The following RHOBTB3 variants were observed in gnomAD, a reference collection of about 807,000 sequenced individuals.
RHOBTB3 encodes the protein rho-related BTB domain-containing protein 3.
In RHOBTB3, 47 loss-of-function variants were observed where a neutral mutation model predicts 67.2. The observed-to-expected ratio is 0.70, with a 90% confidence interval of 0.55 to 0.89. The LOEUF is 0.89. RHOBTB3 is among the 40% of genes least tolerant of loss of function. The pLI, the probability that RHOBTB3 is intolerant of heterozygous loss-of-function variation, is 0.00. For missense variants in RHOBTB3, 631 were observed against 750.0 expected (o/e 0.84, Z 1.85); for synonymous variants, 273 against 274.2 (o/e 1.00, Z 0.04).
chr5:95,761,152 A>G (rs1745381969), intron 6 of RHOBTB3, among the ~76,000 whole-genome samples: 1 of 152,124 alleles, frequency 6.6e-6, no homozygotes, highest in Non-Finnish European at 1.5e-5. Context: ...TTTTTTAGTT[A>G]ATATGCTTTT....
At chr5:95,722,432 CT>C (rs770583223) in intron 1 of RHOBTB3, among the ~76,000 whole-genome samples, 2 of 152,068 alleles carry the variant, frequency 1.3e-5, no homozygotes, top group African/African-American at 2.4e-5. Context: ...ATCAATGGTG[CT>C]TGATAATAAT....
chr5:95,771,326 C>T (rs529201674), intron 8 of RHOBTB3, among the ~76,000 whole-genome samples: 2 of 152,274 alleles, frequency 1.3e-5, no homozygotes, highest in South Asian at 4.1e-4. Flanking sequence ...TGTGTAGCAG[C>T]GAACAATAGT....
chr5:95,735,725 AT>A (rs1334024984), intron 2 of RHOBTB3, among the ~76,000 whole-genome samples: 1 of 152,256 alleles, frequency 6.6e-6, no homozygotes, highest in Non-Finnish European at 1.5e-5. Flanking sequence ...CTACTTGTAC[AT>A]TATTTGGTAG....
intron 6 of RHOBTB3, among the ~76,000 whole-genome samples, chr5:95,761,242 G>A (rs1306112361): frequency 6.6e-6 from 1 of 151,936 alleles, no homozygotes; most frequent in Non-Finnish European, 1.5e-5. Flanking sequence ...TCTTTAGATT[G>A]GATGAGTGCA....
At chr5:95,737,546 A>G (rs758179454) in intron 3 of RHOBTB3, among the ~76,000 whole-genome samples, 1 of 152,200 alleles carries the variant, frequency 6.6e-6, no homozygotes, top group Non-Finnish European at 1.5e-5. Context: ...CATGGCTGAT[A>G]GATTCATTGG....
intron 1 of RHOBTB3, among the ~76,000 whole-genome samples, chr5:95,723,874 C>T (rs374301350): frequency 3.9e-5 from 6 of 152,064 alleles, no homozygotes; most frequent in East Asian, 3.9e-4. Flanking sequence ...CTTTTTTGAC[C>T]GAGCACCCCA....
chr5:95,788,567 T>C (rs766283403), intron 10 of RHOBTB3, among the ~76,000 whole-genome samples, 195 bp from the exon 11 acceptor site: 1 of 152,186 alleles, frequency 6.6e-6, no homozygotes, highest in East Asian at 1.9e-4. Flanking sequence ...CTTCCGAGAA[T>C]GTACTTTTAA....
chr5:95,772,694 A>G (rs1407361861), intron 8 of RHOBTB3, among the ~76,000 whole-genome samples: 1 of 152,210 alleles, frequency 6.6e-6, no homozygotes, highest in Non-Finnish European at 1.5e-5. Flanking sequence ...TAAAGGATCT[A>G]TGTTGTTACA....
Position 95,766,385 on chromosome 5 carries a change from C to T in RHOBTB3, c.1162-1661C>T, listed in dbSNP as rs141184395. Among the ~76,000 whole-genome samples, 345 of 151,750 alleles carry T rather than the reference C, an allele frequency of 2.3e-3. 2 individuals carry two copies. The highest frequency in any genetic ancestry group is 6.9e-3 in the Admixed American group (105 of 15,246). On this transcript the variant is annotated intron_variant, in intron 7 of 11. Coordinates refer to ENST00000379982, the MANE Select transcript of RHOBTB3 (RefSeq NM_014899.4). ...ATTCAGCAGGGGGAATGGGTGGAGA[C>T]GTCAGAATTTAAAGTGAATAAAATA...
rs78334402 is a variant in RHOBTB3, at chr5:95,720,887, C to G, written n.133+3122C>G. Among the ~76,000 whole-genome samples the G allele has an allele frequency of 5.1e-3, 780 of 152,274 alleles. 7 individuals carry two copies. Among genetic ancestry groups the G allele is most frequent in the African/African-American group, 0.018 (746 of 41,546 alleles). On this transcript the variant is annotated intron_variant and non_coding_transcript_variant, in intron 1 of 5. Transcript: ENST00000504949. ...AAGAACTGTGCACTAACTTGTTCAA[C>G]AAAATGTCATTTGTTGCCATATTTT...
At chr5:95,773,837 G>A (rs1443145919) in intron 8 of RHOBTB3, among the ~76,000 whole-genome samples, 1 of 152,128 alleles carries the variant, frequency 6.6e-6, no homozygotes, top group Admixed American at 6.5e-5. Context: ...CACTCTGGAA[G>A]CAGGCTCAGC....
intron 3 of RHOBTB3, among the ~76,000 whole-genome samples, chr5:95,742,765 C>A (rs550534693): frequency 3.3e-4 from 50 of 152,124 alleles, no homozygotes; most frequent in Non-Finnish European, 3.4e-4. Context: ...CTTAAGGATG[C>A]AAACTTTTAT....
chr5:95,718,838 G>A (rs1754770408), intron 1 of RHOBTB3, among the ~76,000 whole-genome samples: 1 of 152,142 alleles, frequency 6.6e-6, no homozygotes, highest in Non-Finnish European at 1.5e-5. Flanking sequence ...TAGCAGAGAG[G>A]GAGAAAGCAG....
At position 95,783,860 on chromosome 5, in the gene RHOBTB3, A is replaced by C; in HGVS notation, c.1520A>C (p.Gln507Pro). The change falls in exon 10 of 12, where the codon CAG becomes CCG. Residue 507 changes from glutamine (Q) to proline (P), a missense_variant. Transcript: ENST00000379982. ...CAEMYQVSRL[Q>P]HICELFIITQ... ...GAGATGTACCAAGTGTCCAGACTGC[A>C]GCACATCTGTGAGCTGTTCATCATT... 6.2e-7 allele frequency: 1 copy of C among 1,614,012 alleles called. No individual in the cohort carries two copies. The highest frequency in any genetic ancestry group is 8.5e-7 in the Non-Finnish European group (1 of 1,179,904).
In RHOBTB3 at chr5:95,780,437, A is replaced by T. The variant is rs55706606; in HGVS notation, c.1456+12A>T. Reference sequence around the variant, plus strand: ...CTCCTGCTGCCCAGGTTAGCAATACAAATGTTGATAGTATCTCAGAATTCT... The same window carrying T: ...CTCCTGCTGCCCAGGTTAGCAATACTAATGTTGATAGTATCTCAGAATTCT... On this transcript the variant is annotated intron_variant, in intron 9 of 11. Coordinates refer to ENST00000379982, the MANE Select transcript of RHOBTB3 (RefSeq NM_014899.4). The T allele has an allele frequency of 0.026, 41,947 of 1,608,198 alleles. 900 individuals are homozygous for T. The highest frequency in any genetic ancestry group is 0.093 in the South Asian group (8,456 of 90,908).
intron 3 of RHOBTB3, among the ~76,000 whole-genome samples, chr5:95,745,951 A>AT (rs1262446134): frequency 6.6e-6 from 1 of 152,150 alleles, no homozygotes; most frequent in Non-Finnish European, 1.5e-5. Context: ...CAAAGTAACT[A>AT]TTAAGAAACA....
chr5:95,772,341 C>A (rs1745739988), intron 8 of RHOBTB3, among the ~76,000 whole-genome samples: 1 of 152,214 alleles, frequency 6.6e-6, no homozygotes, highest in African/African-American at 2.4e-5. Flanking sequence ...CATCTCTGAT[C>A]TTCCTGGATG....
intron 10 of RHOBTB3, among the ~76,000 whole-genome samples, chr5:95,786,675 T>C (rs1278048050): frequency 6.6e-6 from 1 of 152,264 alleles, no homozygotes; most frequent in African/African-American, 2.4e-5. Flanking sequence ...GCACAAGTTG[T>C]ATTTCTGAGA....
intron 6 of RHOBTB3, among the ~76,000 whole-genome samples, chr5:95,758,289 C>T (rs1745304704): frequency 1.3e-5 from 2 of 152,160 alleles, no homozygotes; most frequent in Non-Finnish European, 2.9e-5. Flanking sequence ...GACCCTTTCC[C>T]CGGAGTCATT....
Sources: allele counts gnomAD v4.1 joint callset (sites outside exome capture counted in the v4.1 genomes callset), GRCh38; gene constraint gnomAD v4.1.1; transcripts MANE v1.5; gene names NCBI Gene and HGNC (gene_info 2026-07-23, HGNC 2026-07-21).